The following ZFC3H1 variants were observed in gnomAD, a reference collection of about 807,000 sequenced individuals.
The protein encoded by ZFC3H1 is zinc finger C3H1-type containing.
ZFC3H1 carries 71 observed loss-of-function variants against 243.7 expected under a neutral mutation model. The ratio of observed to expected loss-of-function variants is 0.29; its 90% CI spans 0.24 to 0.36. ZFC3H1 has a LOEUF of 0.36. Among genes scored for constraint, ZFC3H1 ranks in the 10% least tolerant of loss-of-function variants. The probability of loss-of-function intolerance (pLI) is 1.00; values close to 1 mark genes in which losing one functional copy is unlikely to be tolerated. For synonymous variants in ZFC3H1, 838 were observed against 813.0 expected (o/e 1.03, Z -0.52); for missense variants, 1,966 against 2,317.1 (o/e 0.85, Z 3.11).
intron 24 of ZFC3H1, among the ~76,000 whole-genome samples, chr12:71,620,825 G>T (rs1039530287): frequency 2.0e-5 from 3 of 151,980 alleles, no homozygotes; most frequent in African/African-American, 7.3e-5. Context: ...TTATTAAACG[G>T]TACAATGTTT....
chr12:71,617,511 C>G (rs959859289), intron 27 of ZFC3H1, among the ~76,000 whole-genome samples: 5 of 152,204 alleles, frequency 3.3e-5, no homozygotes, highest in Non-Finnish European at 7.3e-5. Flanking sequence ...GCCAATTAAG[C>G]TGGCATCAAG....
chr12:71,611,151 A>G (rs766150994), intron 32 of ZFC3H1, 54 bp from the exon 33 acceptor site: 16 of 1,485,520 alleles, frequency 1.1e-5, no homozygotes, highest in South Asian at 5.6e-5. Context: ...AAAAATTTAT[A>G]TATCTTTGAA....
rs1199713495 is a variant in ZFC3H1 at position 71,636,617 on chromosome 12, A to G, written c.1973T>C (p.Val658Ala). The change falls in exon 9 of 35, where the codon GTT becomes GCT. Residue 658 changes from valine to alanine, a missense_variant. Coordinates refer to ENST00000378743, the MANE Select transcript of ZFC3H1 (RefSeq NM_144982.5). ...SSNSDPPSPP[V>A]LNNSHPVPRS... is the part of the protein sequence containing the mutation. ...TGGCACAGGATGTGAATTGTTCAGAACTGGAGGTGAAGGTGGGTCACTATT... is the reference window on the plus strand; with the variant it reads ...TGGCACAGGATGTGAATTGTTCAGAGCTGGAGGTGAAGGTGGGTCACTATT... 1.8e-5 allele frequency: 29 copies of G among 1,613,670 alleles called. No homozygotes were observed. Among genetic ancestry groups the G allele is most frequent in the Non-Finnish European group, 2.3e-5 (27 of 1,179,848 alleles).
At chr12:71,640,661 CCTCT>C (rs1880578070) in intron 6 of ZFC3H1, among the ~76,000 whole-genome samples, 1 of 152,240 alleles carries the variant, frequency 6.6e-6, no homozygotes, top group Non-Finnish European at 1.5e-5. Context: ...CTGCCTCTGG[CCTCT>C]CTACCTTGGT....
At position 71,614,710 on chromosome 12, in the gene ZFC3H1, G is replaced by A. The variant is rs1879853039; in HGVS notation, c.5361-10C>T. ...TGCAAAGACAAGATAACTGCCAAAA[G>A]AAAAATATTATAATTTAGAATAACT... On this transcript the variant is annotated splice_polypyrimidine_tract_variant and intron_variant, in intron 29 of 34. Coordinates refer to ENST00000378743, the MANE Select transcript of ZFC3H1 (RefSeq NM_144982.5). 1.3e-6 allele frequency: 2 copies of A among 1,598,418 alleles called. No homozygotes were observed. Among genetic ancestry groups the A allele is most frequent in the African/African-American group, 2.7e-5 (2 of 73,866 alleles).
rs985901807 is a variant in ZFC3H1, at chr12:71,661,321, T to C, written c.598+1692A>G. Among the ~76,000 whole-genome samples the C allele has an allele frequency of 3.3e-5, 5 of 151,762 alleles. No individual in the cohort carries two copies. In the South Asian group the frequency reaches 8.3e-4, roughly 25 times the overall value. ...TCTCAAAAATAAATAAATAAATAAA[T>C]AAAAACCATACACATATATATGCTT... On this transcript the variant is annotated intron_variant, in intron 1 of 34. Coordinates refer to ENST00000378743, the MANE Select transcript of ZFC3H1 (RefSeq NM_144982.5).
At chr12:71,629,556 TACACACACACACAC>T (rs35067681) in intron 19 of ZFC3H1, 39 bp downstream of exon 19, 27 of 691,576 alleles carry the variant, frequency 3.9e-5, no homozygotes, top group East Asian at 1.0e-4. Flanking sequence ...AGAGATACAG[TACACACACACACAC>T]ACACACACAC....
chr12:71,653,646 T>C (rs1880944757), intron 2 of ZFC3H1, among the ~76,000 whole-genome samples: 1 of 152,176 alleles, frequency 6.6e-6, no homozygotes, highest in African/African-American at 2.4e-5. Context: ...AAGATTATCT[T>C]CAAATTGGAA....
At chr12:71,631,653 G>T in intron 16 of ZFC3H1, 125 bp downstream of exon 16, 1 of 794,818 alleles carries the variant, frequency 1.3e-6, no homozygotes, top group Non-Finnish European at 1.9e-6. Context: ...TCCTTAAAAG[G>T]GTAAGTCTGG....
Position 71,630,728 on chromosome 12 carries a change from TA to T in ZFC3H1, c.3603-8del, listed in dbSNP as rs555594064. ...ATAGTCTTGTATATGCTGCCTAAGA[TA>T]AAAAAAAACACAGAAAAGATAATCA... On this transcript the variant is annotated splice_polypyrimidine_tract_variant and splice_region_variant and intron_variant, in intron 17 of 34. Transcript: ENST00000378743. The T allele has an allele frequency of 6.2e-5, 99 of 1,595,482 alleles. No individual in the cohort carries two copies. The highest frequency in any genetic ancestry group is 5.0e-4 in the Middle Eastern group (3 of 5,954).
In ZFC3H1 at chr12:71,663,339, T is replaced by C. The variant is rs977875711; in HGVS notation, c.272A>G (p.His91Arg). ...QQLRNFSRSR[H>R]ASERGHLRGP... ...CCTGAGGTGGCCCCGCTCAGACGCG[T>C]GCCGCGAGCGTGAGAAATTCCTCAG... Residue 91 changes from histidine to arginine, a missense_variant, in exon 1 of 35, where the codon CAC becomes CGC. Transcript: ENST00000378743. 1 of 1,613,140 alleles carries C rather than the reference T, an allele frequency of 6.2e-7. No individual in the cohort carries two copies. The highest frequency in any genetic ancestry group is 8.5e-7 in the Non-Finnish European group (1 of 1,180,006).
At chr12:71,638,358 T>C in intron 7 of ZFC3H1, 60 bp downstream of exon 7, 1 of 1,532,326 alleles carries the variant, frequency 6.5e-7, no homozygotes, top group Non-Finnish European at 8.8e-7. Flanking sequence ...CATTCGTTTT[T>C]AAAAACAAAT....
At chr12:71,648,893 C>T (rs1880799876) in intron 2 of ZFC3H1, among the ~76,000 whole-genome samples, 1 of 151,952 alleles carries the variant, frequency 6.6e-6, no homozygotes, top group African/African-American at 2.4e-5. Flanking sequence ...AGTTCAAGAC[C>T]AGCCTGGGCA....
At chr12:71,660,031 G>A (rs1057159136) in intron 1 of ZFC3H1, among the ~76,000 whole-genome samples, 1 of 152,152 alleles carries the variant, frequency 6.6e-6, no homozygotes, top group East Asian at 1.9e-4. Context: ...TTTCTTTAAA[G>A]TTGCAACTAG....
Position 71,663,177 on chromosome 12 carries a change from C to A in ZFC3H1, c.434G>T (p.Arg145Leu). The A allele has an allele frequency of 6.2e-7, 1 of 1,614,132 alleles. No individual in the cohort carries two copies. Among genetic ancestry groups the A allele is most frequent in the Non-Finnish European group, 8.5e-7 (1 of 1,180,030 alleles). The part of the protein sequence containing the change: ...ERSHLALDRF[R>L]FRGRPYRGGS... ...ACCCCGGTAAGGCCTGCCTCGAAAG[C>A]GGAAACGGTCCAAGGCGAGGTGGCT... The change falls in exon 1 of 35, where the codon CGC becomes CTC. Residue 145 changes from arginine to leucine, a missense_variant. By Grantham distance (102) the Arg-to-Leu change is moderately radical. Around this residue, in one of 4 missense-constraint regions of ZFC3H1, gnomAD observed 484 missense variants for 449.7 expected, o/e 1.08. Transcript: ENST00000378743.
At chr12:71,614,034 C>T (rs1348999763) in intron 30 of ZFC3H1, among the ~76,000 whole-genome samples, 2 of 152,056 alleles carry the variant, frequency 1.3e-5, no homozygotes, top group African/African-American at 2.4e-5. Context: ...TAATTAGATT[C>T]TACTTTTAGA....
At chr12:71,652,748 G>GT (rs1327227637) in intron 2 of ZFC3H1, among the ~76,000 whole-genome samples, 3 of 152,090 alleles carry the variant, frequency 2.0e-5, no homozygotes, top group Non-Finnish European at 2.9e-5. Context: ...TAGAATCATA[G>GT]TACTAAATTG....
At chr12:71,644,442 T>C in intron 4 of ZFC3H1, 124 bp from the exon 5 acceptor site, 1 of 1,069,474 alleles carries the variant, frequency 9.4e-7, no homozygotes, top group Non-Finnish European at 1.3e-6. Flanking sequence ...TATATAAGAT[T>C]GTCTTCCATT....
At chr12:71,629,260 G>A (rs2137531841) in intron 19 of ZFC3H1, among the ~76,000 whole-genome samples, 1 of 151,622 alleles carries the variant, frequency 6.6e-6, no homozygotes, top group Non-Finnish European at 1.5e-5. Context: ...CCGCCTCTCG[G>A]GTTCAAGTGA....
Sources: gnomAD v4.1 joint callset for allele counts (sites outside exome capture counted in the v4.1 genomes callset) on GRCh38, gnomAD v4.1.1 for gene constraint, gnomAD v4.1.1 regional missense constraint, MANE v1.5 for transcripts, NCBI Gene and HGNC (gene_info 2026-07-23, HGNC 2026-07-21) for gene names.